CAPN9: variants seen among roughly 807,000 people sequenced by gnomAD.
CAPN9 encodes calpain-9.
In CAPN9, 81 loss-of-function variants were observed where a neutral mutation model predicts 92.8. The ratio of observed to expected loss-of-function variants is 0.87; its 90% CI spans 0.73 to 1.05. CAPN9 has a LOEUF of 1.05. Ranked by LOEUF, CAPN9 falls within the 50% of genes least tolerant of loss-of-function variation. CAPN9 has a pLI of 0.00. For missense variants in CAPN9, 848 were observed against 866.2 expected (o/e 0.98, Z 0.26); for synonymous variants, 304 against 328.0 (o/e 0.93, Z 0.79).
rs750634517 is a variant in CAPN9 at position 230,787,580 on chromosome 1, T to C, written c.1577T>C (p.Leu526Pro). 1.2e-6 allele frequency: 2 copies of C among 1,614,088 alleles called. No homozygotes were observed. Among genetic ancestry groups the C allele is most frequent in the Non-Finnish European group, 1.7e-6 (2 of 1,179,948 alleles). Residue 526 changes from leucine to proline, a missense_variant, in exon 13 of 20, where the codon CTG (leucine) becomes CCG (proline). By Grantham distance (98) the Leu-to-Pro change is moderately conservative. Coordinates refer to ENST00000271971, the MANE Select transcript of CAPN9 (RefSeq NM_006615.3). ...ETEEEQRFRALFEQVAGEDME... is the reference protein window; with the variant it reads ...ETEEEQRFRAPFEQVAGEDME... ...GAGGAGGAGCAGCGGTTTCGGGCTC[T>C]GTTTGAACAAGTCGCTGGTGAGGTA... is the stretch of plus-strand genomic sequence containing the variant.
intron 9 of CAPN9, 122 bp downstream of exon 9, chr1:230,779,255 CTG>C: frequency 4.4e-6 from 4 of 899,154 alleles, no homozygotes; most frequent in Non-Finnish European, 6.6e-6. Context: ...TCAAAAGTGA[CTG>C]GGGAAAAAAG....
At chr1:230,753,722 A>G (rs1245603645) in intron 1 of CAPN9, among the ~76,000 whole-genome samples, 1 of 151,974 alleles carries the variant, frequency 6.6e-6, no homozygotes, top group Non-Finnish European at 1.5e-5. Flanking sequence ...GAGGTGGGAA[A>G]AATCCTTCAC....
intron 2 of CAPN9, 57 bp downstream of exon 2, chr1:230,755,463 A>G: frequency 7.4e-7 from 1 of 1,359,496 alleles, no homozygotes; most frequent in East Asian, 2.5e-5. Flanking sequence ...GGGACAGGCA[A>G]GCAACTGCAG....
At chr1:230,772,541 G>A (rs1328139334) in intron 7 of CAPN9, among the ~76,000 whole-genome samples, 1 of 152,114 alleles carries the variant, frequency 6.6e-6, no homozygotes, top group Admixed American at 6.5e-5. Context: ...GATTCTCTCT[G>A]ATGGTCACTG....
chr1:230,759,684 G>A (rs1665507807), intron 3 of CAPN9, 54 bp downstream of exon 3: 2 of 1,172,554 alleles, frequency 1.7e-6, no homozygotes, highest in East Asian at 2.4e-5. Context: ...CGGCATGAGG[G>A]CAGGTGCATT....
chr1:230,775,385 G>A (rs1157471158), intron 8 of CAPN9, among the ~76,000 whole-genome samples: 4 of 152,130 alleles, frequency 2.6e-5, no homozygotes, highest in South Asian at 2.1e-4. Context: ...ACCTACGTAG[G>A]AAGTAAACAT....
intron 6 of CAPN9, 26 bp from the exon 7 acceptor site, chr1:230,771,988 A>T: frequency 6.3e-7 from 1 of 1,594,354 alleles, no homozygotes; most frequent in Non-Finnish European, 8.6e-7. Context: ...ATCATTTCAC[A>T]CTTCCCTCAT....
In CAPN9 at chr1:230,787,562, A is replaced by C. The variant is rs1337135695; in HGVS notation, c.1559A>C (p.Glu520Ala). ...CCACCTGACCAGGAGACAGAGGAGG[A>C]GCAGCGGTTTCGGGCTCTGTTTGAA... ...PTPPDQETEE[E>A]QRFRALFEQV... is the part of the protein sequence containing the mutation. The change falls in exon 13 of 20, where the codon GAG becomes GCG. Residue 520 changes from glutamate (E) to alanine (A), a missense_variant. Transcript: ENST00000271971. The C allele has an allele frequency of 6.2e-7, 1 of 1,614,066 alleles. No homozygotes were observed. The highest frequency in any genetic ancestry group is 8.5e-7 in the Non-Finnish European group (1 of 1,179,964).
Position 230,780,341 on chromosome 1 carries a change from G to T in CAPN9, c.1272+5G>T, listed in dbSNP as rs780516933. ...ATCGGCTATGCCATTTATGAGGTAG[G>T]TGGGAACCACACTGCATTTCAGAGT... On this transcript the variant is annotated splice_donor_5th_base_variant and intron_variant, in intron 10 of 19. Transcript: ENST00000271971. The T allele has an allele frequency of 5.1e-5, 83 of 1,613,482 alleles. No individual in the cohort carries two copies. The highest frequency in any genetic ancestry group is 7.0e-5 in the Non-Finnish European group (82 of 1,179,824).
intron 16 of CAPN9, 90 bp from the exon 17 acceptor site, chr1:230,792,760 C>A: frequency 9.1e-7 from 1 of 1,099,228 alleles, no homozygotes; most frequent in Non-Finnish European, 1.4e-6. Flanking sequence ...TAGAGGGTAG[C>A]TCCCCCGGGC....
At chr1:230,751,476 AG>A (rs1172252127) in intron 1 of CAPN9, among the ~76,000 whole-genome samples, 2 of 150,306 alleles carry the variant, frequency 1.3e-5, no homozygotes, top group Non-Finnish European at 3.0e-5. Context: ...AAGGGAAGGA[AG>A]GGAAGGGAGG....
intron 7 of CAPN9, among the ~76,000 whole-genome samples, chr1:230,773,037 T>C (rs1350253328): frequency 6.6e-6 from 1 of 152,040 alleles, no homozygotes; most frequent in Non-Finnish European, 1.5e-5. Context: ...CCTGAGCTTC[T>C]GGGGAAATCT....
At chr1:230,773,580 C>T (rs11802556) in intron 7 of CAPN9, among the ~76,000 whole-genome samples, 4,650 of 152,284 alleles carry the variant, frequency 0.031, 237 homozygotes, top group African/African-American at 0.1. Context: ...GCCATCCCGA[C>T]TCCCTGACTT....
chr1:230,756,083 G>A (rs1399648199), intron 2 of CAPN9, among the ~76,000 whole-genome samples: 3 of 152,160 alleles, frequency 2.0e-5, no homozygotes, highest in Non-Finnish European at 4.4e-5. Context: ...GAGAGCGAGA[G>A]ACTTTCTTTT....
At position 230,779,075 on chromosome 1, in the gene CAPN9, G is replaced by A. The variant is rs199593400; in HGVS notation, c.1056G>A (p.Thr352=). 5.2e-5 allele frequency: 84 copies of A among 1,613,468 alleles called. 1 individual carries two copies. The highest frequency in any genetic ancestry group is 1.6e-4 in the East Asian group (7 of 44,850). Residue 352 remains threonine, a synonymous_variant, in exon 9 of 20, where the codon ACG becomes ACA. Transcript: ENST00000271971. ...EEDAIHKWEV[T]VHQGSWVRGS... ...ACGCGATCCACAAATGGGAGGTGAC[G>A]GTCCATCAGGGAAGCTGGGTTCGCG...
intron 7 of CAPN9, among the ~76,000 whole-genome samples, chr1:230,772,729 A>T (rs918989720): frequency 6.9e-6 from 1 of 145,756 alleles, no homozygotes; most frequent in African/African-American, 2.5e-5. Flanking sequence ...GCAACAGAGC[A>T]TGTTGACCCC....
chr1:230,794,857 CTA>C (rs1349218935), intron 17 of CAPN9, among the ~76,000 whole-genome samples: 1 of 152,200 alleles, frequency 6.6e-6, no homozygotes, highest in African/African-American at 2.4e-5. Context: ...CAGCGAGACT[CTA>C]TGGGTGATGT....
chr1:230,778,851 C>A, intron 8 of CAPN9, 122 bp from the exon 9 acceptor site: 1 of 881,846 alleles, frequency 1.1e-6, no homozygotes, highest in East Asian at 2.8e-5. Flanking sequence ...TGCAGTCCCC[C>A]CACTCCTTGC....
intron 11 of CAPN9, among the ~76,000 whole-genome samples, chr1:230,783,736 G>A (rs1312023421): frequency 6.6e-6 from 1 of 152,210 alleles, no homozygotes; most frequent in Non-Finnish European, 1.5e-5. Flanking sequence ...GAAGAGTGGG[G>A]CATTGTTATA....
Sources: allele counts gnomAD v4.1 joint callset (sites outside exome capture counted in the v4.1 genomes callset), GRCh38; gene constraint gnomAD v4.1.1; transcripts MANE v1.5; gene names NCBI Gene and HGNC (gene_info 2026-07-23, HGNC 2026-07-21).